KIF21A: variants seen among roughly 807,000 people sequenced by gnomAD.
The protein encoded by KIF21A is kinesin-like protein KIF21A.
Under a neutral mutation model 202.9 loss-of-function variants are expected in KIF21A, and 114 were observed. The ratio of observed to expected loss-of-function variants is 0.56; its 90% CI spans 0.48 to 0.66. The LOEUF (loss-of-function observed/expected upper bound fraction) is 0.66, where lower values mean the gene tolerates loss of function less well. KIF21A is among the 30% of genes least tolerant of loss of function. KIF21A has a pLI of 0.00. For synonymous variants in KIF21A, 667 were observed against 670.8 expected (o/e 0.99, Z 0.09); for missense variants, 1,677 against 1,994.9 (o/e 0.84, Z 3.04).
chr12:39,315,393 A>G, intron 30 of KIF21A, 153 bp from the exon 31 acceptor site: 1 of 701,870 alleles, frequency 1.4e-6, no homozygotes, highest in South Asian at 1.8e-5. Context: ...AAAAAAAATA[A>G]CAGTTATTTT....
chr12:39,388,035 A>G (rs1951073777), intron 1 of KIF21A, among the ~76,000 whole-genome samples: 1 of 152,200 alleles, frequency 6.6e-6, no homozygotes, highest in African/African-American at 2.4e-5. Context: ...CTTTCGAAGA[A>G]AAGAGCAGGT....
chr12:39,370,102 A>G lies in KIF21A; in HGVS notation c.204T>C (p.Cys68=). Residue 68 remains cysteine (C), a synonymous_variant, in exon 2 of 38, where the codon TGT becomes TGC. Coordinates refer to ENST00000361418, the MANE Select transcript of KIF21A (RefSeq NM_001173464.2). ...AGCAACCTTCAATTAGTTTTTCTAT[A>G]CATTGAATGTAGATCTGCTCTTGCT... ...DSQQEQIYIQ[C]IEKLIEGCFE... is the part of the protein sequence containing the mutation. 1 of 1,613,804 alleles carries G rather than the reference A, an allele frequency of 6.2e-7. No homozygotes were observed. Among genetic ancestry groups the G allele is most frequent in the Non-Finnish European group, 8.5e-7 (1 of 1,179,772 alleles).
chr12:39,340,965 A>T lies in KIF21A; in HGVS notation c.2051T>A (p.Met684Lys), dbSNP rs1408329611. The T allele has an allele frequency of 6.2e-7, 1 of 1,613,366 alleles. No individual in the cohort carries two copies. The highest frequency in any genetic ancestry group is 8.5e-7 in the Non-Finnish European group (1 of 1,179,594). Residue 684 changes from methionine to lysine, a missense_variant, in exon 15 of 38, where the codon ATG (methionine) becomes AAG (lysine). By Grantham distance (95) the Met-to-Lys change is moderately conservative. Coordinates refer to ENST00000361418, the MANE Select transcript of KIF21A (RefSeq NM_001173464.2). The stretch of plus-strand genomic sequence containing the variant: ...AGTATCCCGAATTTTATGTTGCAGC[A>T]TCATTAGCTTCTCTTCATACTGCTT... ...LKKQYEEKLM[M>K]LQHKIRDTQL...
At chr12:39,316,432 C>T (rs1311168018) in intron 29 of KIF21A, among the ~76,000 whole-genome samples, 3 of 152,092 alleles carry the variant, frequency 2.0e-5, no homozygotes, top group Non-Finnish European at 4.4e-5. Context: ...TGTGTTTTCA[C>T]ATAGAAAGCA....
At chr12:39,382,047 G>A (rs1377124165) in intron 1 of KIF21A, among the ~76,000 whole-genome samples, 2 of 152,176 alleles carry the variant, frequency 1.3e-5, no homozygotes, top group Non-Finnish European at 2.9e-5. Flanking sequence ...ATTCCACCCC[G>A]CACAGCAACC....
intron 20 of KIF21A, 29 bp downstream of exon 20, chr12:39,332,562 G>A (rs1257402229): frequency 3.1e-6 from 5 of 1,605,484 alleles, no homozygotes; most frequent in East Asian, 2.2e-5. Context: ...TAGCTAAGGG[G>A]GAGCGTATCT....
chr12:39,410,095 T>G (rs918693150), intron 1 of KIF21A, among the ~76,000 whole-genome samples: 2 of 152,048 alleles, frequency 1.3e-5, no homozygotes. Flanking sequence ...CCTCCCAAAG[T>G]GCTGGGATTA....
At chr12:39,324,012 A>G (rs1945577009) in intron 26 of KIF21A, among the ~76,000 whole-genome samples, 1 of 151,972 alleles carries the variant, frequency 6.6e-6, no homozygotes, top group African/African-American at 2.4e-5. Flanking sequence ...CAGGAGGCTG[A>G]GGCAGGAGAA....
At chr12:39,321,593 C>T (rs1050893409) in intron 27 of KIF21A, 1 of 152,142 alleles carries the variant, frequency 6.6e-6, no homozygotes, top group Non-Finnish European at 1.5e-5. Context: ...CAAGCACATG[C>T]AAGAAAGTTC....
intron 1 of KIF21A, among the ~76,000 whole-genome samples, chr12:39,431,492 A>G (rs1404858797): frequency 6.6e-6 from 1 of 152,222 alleles, no homozygotes; most frequent in Non-Finnish European, 1.5e-5. Context: ...AGTCTGGAGT[A>G]GCAGCCAAAA....
At chr12:39,345,128 T>C (rs1185091538) in intron 12 of KIF21A, among the ~76,000 whole-genome samples, 4 of 152,210 alleles carry the variant, frequency 2.6e-5, no homozygotes, top group Non-Finnish European at 1.5e-5. Flanking sequence ...ACGACTATGT[T>C]TGAGAAGTTG....
At chr12:39,426,817 C>G (rs1478560061) in intron 1 of KIF21A, among the ~76,000 whole-genome samples, 1 of 145,712 alleles carries the variant, frequency 6.9e-6, no homozygotes, top group Admixed American at 7.0e-5. Context: ...CCAGCAGGCA[C>G]AGATTACAGT....
chr12:39,357,908 C>CAAA lies in KIF21A; in HGVS notation c.1215+267_1215+269dup, dbSNP rs56035929. Reference sequence around the variant, plus strand: ...TGGGTGATAGAGGGAGACTCCATCTCAAAAAAAAAAAAAAAAAAAAAAAAA... The same window carrying CAAA: ...TGGGTGATAGAGGGAGACTCCATCTCAAAAAAAAAAAAAAAAAAAAAAAAAAAA... On this transcript the variant is annotated intron_variant, in intron 8 of 37. Coordinates refer to ENST00000361418, the MANE Select transcript of KIF21A (RefSeq NM_001173464.2). 2.2e-4 allele frequency among the ~76,000 whole-genome samples: 8 copies of CAAA among 36,706 alleles called. 2 individuals are homozygous for CAAA. The highest frequency in any genetic ancestry group is 1.6e-3 in the South Asian group (1 of 612). 24.1% of individuals were successfully genotyped at this position (36,706 alleles called of 152,430 possible).
chr12:39,370,316 C>G, intron 1 of KIF21A, 55 bp from the exon 2 acceptor site: 1 of 1,371,842 alleles, frequency 7.3e-7, no homozygotes, highest in South Asian at 1.2e-5. Flanking sequence ...AAAAAAACCT[C>G]TCAAAAAATA....
chr12:39,367,918 C>A lies in KIF21A; in HGVS notation c.565G>T (p.Gly189Cys). Residue 189 changes from glycine (G) to cysteine (C), a missense_variant, in exon 4 of 38, where the codon GGC becomes TGC. Physicochemically the swap from Gly to Cys is radical, Grantham distance 159. Around this residue, in one of 3 missense-constraint regions of KIF21A, gnomAD observed 966 missense variants for 1,180.9 expected, o/e 0.82. Transcript: ENST00000361418. Reference protein sequence around the residue: ...EDSTGGIYTVGVTTRTVNTES... With the variant: ...EDSTGGIYTVCVTTRTVNTES... ...GTATTCACAGTACGTGTTGTAACGC[C>A]CACAGTATAAATTCCTCCAGTTGAA... 1 of 1,609,686 alleles carries A rather than the reference C, an allele frequency of 6.2e-7. No individual in the cohort carries two copies. The highest frequency in any genetic ancestry group is 8.5e-7 in the Non-Finnish European group (1 of 1,176,464).
chr12:39,310,226 T>C (rs1245039318), intron 32 of KIF21A, among the ~76,000 whole-genome samples: 1 of 152,100 alleles, frequency 6.6e-6, no homozygotes, highest in Non-Finnish European at 1.5e-5. Context: ...GACCCAAAAA[T>C]ATAATCACAG....
At chr12:39,302,474 C>A (rs1943056822) in intron 36 of KIF21A, among the ~76,000 whole-genome samples, 1 of 152,210 alleles carries the variant, frequency 6.6e-6, no homozygotes, top group African/African-American at 2.4e-5. Flanking sequence ...GAAAAGACAG[C>A]AATATTTGAA....
chr12:39,380,801 T>A (rs1950563193), intron 1 of KIF21A, among the ~76,000 whole-genome samples: 1 of 152,120 alleles, frequency 6.6e-6, no homozygotes, highest in African/African-American at 2.4e-5. Flanking sequence ...GAAAATGTAA[T>A]CTCAGAATAA....
At chr12:39,440,891 T>G (rs1226299519) in intron 1 of KIF21A, among the ~76,000 whole-genome samples, 1 of 152,034 alleles carries the variant, frequency 6.6e-6, no homozygotes, top group Non-Finnish European at 1.5e-5. Context: ...GGCACATGCC[T>G]GTGATCTCAG....
Sources: gnomAD v4.1 joint callset for allele counts (sites outside exome capture counted in the v4.1 genomes callset) on GRCh38, gnomAD v4.1.1 for gene constraint, gnomAD v4.1.1 regional missense constraint, MANE v1.5 for transcripts, NCBI Gene and HGNC (gene_info 2026-07-23, HGNC 2026-07-21) for gene names.